The following PSG7 variants were observed in gnomAD, a reference collection of about 807,000 sequenced individuals.
PSG7 encodes the protein pregnancy-specific beta-1-glycoprotein 7.
A neutral mutation model predicts 45.6 loss-of-function variants in PSG7; 57 were observed. That is an observed-to-expected ratio of 1.25 (90% CI 1.01 to 1.56). PSG7 has a LOEUF of 1.56. PSG7 is among the 40% of genes most tolerant of loss of function. The pLI is 0.00. For missense variants in PSG7, 796 were observed against 508.4 expected (o/e 1.57, Z -5.44); for synonymous variants, 298 against 194.4 (o/e 1.53, Z -4.43).
At chr19:42,931,521 C>T (rs563179751) in intron 2 of PSG7, among the ~76,000 whole-genome samples, 2 of 151,526 alleles carry the variant, frequency 1.3e-5, no homozygotes, top group Non-Finnish European at 2.9e-5. Context: ...AGGAAAAATG[C>T]GGAGGACCCC....
Position 42,926,148 on chromosome 19 carries a change from C to T in PSG7, c.989-121G>A, listed in dbSNP as rs1320639053. The T allele has an allele frequency of 2.7e-6, 4 of 1,484,580 alleles. 1 individual carries two copies. Among genetic ancestry groups the T allele is most frequent in the Middle Eastern group, 4.8e-4 (2 of 4,200 alleles). 92.0% of individuals were successfully genotyped at this position (1,484,580 alleles called of 1,614,324 possible). A position where few individuals can be genotyped will look rare whatever the true frequency, so the allele number is the denominator to read the frequency against. On this transcript the variant is annotated intron_variant, in intron 4 of 5. Transcript: ENST00000406070. The stretch of plus-strand genomic sequence containing the variant: ...CACACCCTCAAGTGACAGCCAAATC[C>T]CCTCTATGTTCACTGAGCCGAAGCC...
Position 42,929,459 on chromosome 19 carries a change from A to G in PSG7, c.692T>C (p.Val231Ala). The change falls in exon 3 of 6, where the codon GTC (valine) becomes GCC (alanine). Residue 231 changes from valine (V) to alanine (A), a missense_variant. Transcript: ENST00000406070. ...NPVSASRSDP[V>A]TLNLLPKLPK... ...ATACTCACGGAGGAGATTCAGGGTG[A>G]CTGGGTCACTGCGGCTGGCACTCAC... 1.2e-6 allele frequency: 2 copies of G among 1,612,486 alleles called. No individual in the cohort carries two copies. Among genetic ancestry groups the G allele is most frequent in the Non-Finnish European group, 8.5e-7 (1 of 1,179,116 alleles).
At position 42,927,823 on chromosome 19, in the gene PSG7, T is replaced by G. The variant is rs370272643; in HGVS notation, c.710-1107A>C. Among the ~76,000 whole-genome samples, 242 of 151,350 alleles carry G rather than the reference T, an allele frequency of 1.6e-3. 5 individuals carry two copies. The highest frequency in any genetic ancestry group is 0.014 in the South Asian group (64 of 4,668). ...AGTTTCTTTTATGCAAGATGGGGAG[T>G]TTCTAGAGATCTGCTGTAGAGCTTG... On this transcript the variant is annotated intron_variant, in intron 3 of 5. Coordinates refer to ENST00000406070, the MANE Select transcript of PSG7 (RefSeq NM_002783.3).
chr19:42,933,323 G>T (rs1413836621), intron 2 of PSG7, among the ~76,000 whole-genome samples: 229 of 12,150 alleles, frequency 0.019, no homozygotes, highest in Middle Eastern at 0.091. Flanking sequence ...TTTTTTTTTT[G>T]GTGTATGTAT....
chr19:42,933,594 G>A (rs1973080578), intron 2 of PSG7, among the ~76,000 whole-genome samples: 1 of 150,404 alleles, frequency 6.6e-6, no homozygotes, highest in African/African-American at 2.4e-5. Context: ...TAGCGGGAAG[G>A]GAACAGAACA....
Position 42,924,651 on chromosome 19 carries a change from T to C in PSG7, c.*157A>G. ...GCTGTTGTTATGGTGTTGAACATTT[T>C]GGTGAGTTCTGAGTGGCTCAGACAT... On this transcript the variant is annotated 3_prime_UTR_variant, in exon 6 of 6. Coordinates refer to ENST00000406070, the MANE Select transcript of PSG7 (RefSeq NM_002783.3). 1 of 718,700 alleles carries C rather than the reference T, an allele frequency of 1.4e-6. No individual in the cohort carries two copies. Among genetic ancestry groups the C allele is most frequent in the Non-Finnish European group, 2.5e-6 (1 of 397,382 alleles). The allele number at this position is 718,700 out of a possible 1,614,324, so 44.5% of individuals were successfully genotyped here. A position where few individuals can be genotyped will look rare whatever the true frequency, so the allele number is the denominator to read the frequency against.
intron 3 of PSG7, among the ~76,000 whole-genome samples, chr19:42,928,805 T>C (rs1024829337): frequency 6.6e-6 from 1 of 151,502 alleles, no homozygotes; most frequent in Admixed American, 6.6e-5. Flanking sequence ...TATGATCCTC[T>C]TGATTATGAG....
intron 2 of PSG7, among the ~76,000 whole-genome samples, chr19:42,930,888 G>A (rs148387407): frequency 3.3e-5 from 5 of 151,632 alleles, no homozygotes; most frequent in Admixed American, 6.6e-5. Flanking sequence ...TCCTTATGCA[G>A]AAAGGTTAAA....
intron 2 of PSG7, among the ~76,000 whole-genome samples, chr19:42,933,772 C>T (rs1973085084): frequency 6.6e-6 from 1 of 151,066 alleles, no homozygotes; most frequent in Non-Finnish European, 1.5e-5. Context: ...ACACTGACTT[C>T]AGTGACCCCA....
chr19:42,931,127 CAGG>C (rs1483440864), intron 2 of PSG7, among the ~76,000 whole-genome samples: 17 of 151,476 alleles, frequency 1.1e-4, no homozygotes, highest in Admixed American at 9.2e-4. Context: ...AAAATGTTGT[CAGG>C]AGTTTAGACC....
chr19:42,934,244 C>A (rs1476026676), intron 2 of PSG7, among the ~76,000 whole-genome samples: 1 of 151,436 alleles, frequency 6.6e-6, no homozygotes, highest in Non-Finnish European at 1.5e-5. Flanking sequence ...ATGGTTGAGG[C>A]AGCTGATTTA....
rs911787383 is a variant in PSG7 at position 42,929,356 on chromosome 19, G to T, written c.709+86C>A. The T allele has an allele frequency of 5.0e-6, 8 of 1,607,318 alleles. No individual in the cohort carries two copies. In the Admixed American group the frequency reaches 1.0e-4, roughly 20 times the overall value. On this transcript the variant is annotated intron_variant, in intron 3 of 5. Coordinates refer to ENST00000406070, the MANE Select transcript of PSG7 (RefSeq NM_002783.3). ...CCAGGGGTAAAGGTCTACATACTTG[G>T]ACCTGAGAGGGACTGAGAAGCCCGG...
intron 3 of PSG7, 62 bp downstream of exon 3, chr19:42,929,380 G>A (rs1290398307): frequency 5.0e-6 from 8 of 1,610,778 alleles, no homozygotes; most frequent in African/African-American, 4.0e-5. Context: ...TGAGAAGCCC[G>A]GCCTCTGGCC....
At chr19:42,936,425 C>T (rs367686257) in intron 1 of PSG7, 1 of 155,884 alleles carries the variant, frequency 6.4e-6, no homozygotes, top group Non-Finnish European at 1.4e-5. Context: ...TGTTTCATGC[C>T]CTGCTTATAT....
chr19:42,929,476 G>C lies in PSG7; in HGVS notation c.675C>G (p.Ala225=), dbSNP rs1972967569. ...TCAGGGTGACTGGGTCACTGCGGCT[G>C]GCACTCACTGGGTTCCGTATTTCAC... The part of the protein sequence containing the change: ...YECEIRNPVS[A]SRSDPVTLNL... Residue 225 remains alanine, a synonymous_variant, in exon 3 of 6, where the codon GCC becomes GCG. Coordinates refer to ENST00000406070, the MANE Select transcript of PSG7 (RefSeq NM_002783.3). 2 of 1,612,624 alleles carry C rather than the reference G, an allele frequency of 1.2e-6. No individual in the cohort carries two copies. The highest frequency in any genetic ancestry group is 1.7e-6 in the Non-Finnish European group (2 of 1,179,208).
At chr19:42,929,856 A>AAAAGCCCACC (rs1972981931) in intron 2 of PSG7, 136 bp from the exon 3 acceptor site, 1 of 1,358,028 alleles carries the variant, frequency 7.4e-7, no homozygotes, top group Non-Finnish European at 1.0e-6. Flanking sequence ...TGTGTGTGTT[A>AAAAGCCCACC]CAAGACAGAT....
chr19:42,925,047 G>T, intron 5 of PSG7: 1 of 557,756 alleles, frequency 1.8e-6, no homozygotes, highest in Non-Finnish European at 3.1e-6. Flanking sequence ...GGACTATGTA[G>T]GCTCTCTTTT....
In PSG7 at chr19:42,925,618, C is replaced by G. The variant is rs768489034; in HGVS notation, c.1243+155G>C. 95 of 1,500,538 alleles carry G rather than the reference C, an allele frequency of 6.3e-5. 2 individuals carry two copies. The highest frequency in any genetic ancestry group is 5.0e-4 in the Middle Eastern group (2 of 4,010). 93.0% of individuals were successfully genotyped at this position (1,500,538 alleles called of 1,614,324 possible). On this transcript the variant is annotated intron_variant, in intron 5 of 5. Transcript: ENST00000406070. ...CCTGTTTGTTAAAGTTTTCGAAGTT[C>G]TTAGACAAATTTGGAGGGTTCAGGA...
chr19:42,930,955 T>C (rs972552523), intron 2 of PSG7, among the ~76,000 whole-genome samples: 2 of 151,656 alleles, frequency 1.3e-5, no homozygotes, highest in Non-Finnish European at 2.9e-5. Flanking sequence ...GTACATGTAC[T>C]GGTTTAGCAT....
Sources: allele counts gnomAD v4.1 joint callset (sites outside exome capture counted in the v4.1 genomes callset), GRCh38; gene constraint gnomAD v4.1.1; transcripts MANE v1.5; gene names NCBI Gene and HGNC (gene_info 2026-07-23, HGNC 2026-07-21).